Variants in BSN observed in about 807,000 individuals in gnomAD.
The protein encoded by BSN is protein bassoon.
BSN carries 57 observed loss-of-function variants against 264.8 expected under a neutral mutation model. The observed-to-expected ratio is 0.22, with a 90% CI of 0.17 to 0.27. The LOEUF (loss-of-function observed/expected upper bound fraction) is 0.27. Among genes scored for constraint, BSN ranks in the 10% least tolerant of loss-of-function variants. The pLI is 1.00. For synonymous variants in BSN, 2,059 were observed against 2,137.3 expected, an observed-to-expected ratio of 0.96 and a Z score of 1.01; for missense variants, 4,615 against 5,232.5, an observed-to-expected ratio of 0.88 and a Z score of 3.64.
At chr3:49,587,886 GT>G (rs768463946) in intron 1 of BSN, among the ~76,000 whole-genome samples, 2 of 36,838 alleles carry the variant, frequency 5.4e-5, no homozygotes, top group African/African-American at 1.3e-4. Context: ...GAAAGTTGGG[GT>G]TTTTCTTTTC....
chr3:49,663,943 C>G, intron 8 of BSN, 57 bp downstream of exon 8: 2 of 1,514,618 alleles, frequency 1.3e-6, no homozygotes, highest in South Asian at 1.2e-5. Flanking sequence ...GCTGTTCTCT[C>G]TCTATACCAC....
rs1242628057 is a variant in BSN, at chr3:49,671,149, C to CGT, written c.*3666_*3667dup. 3 of 57,530 alleles carry CGT rather than the reference C, an allele frequency of 5.2e-5. No homozygotes were observed. The highest frequency in any genetic ancestry group is 1.5e-4 in the African/African-American group (3 of 19,734). 3.6% of individuals were successfully genotyped at this position (57,530 alleles called of 1,614,324 possible). A position where few individuals can be genotyped will look rare whatever the true frequency, so the allele number is the denominator to read the frequency against. ...ACATGATCATGTGTGTATGTGCGTG[C>CGT]GTGCGTGCGTGTGTGTGTGTGTGTG... On this transcript the variant is annotated 3_prime_UTR_variant, in exon 12 of 12. Coordinates refer to ENST00000296452, the MANE Select transcript of BSN (RefSeq NM_003458.4). This position sits in a 1 kb window ranked among gnomAD's most constrained non-coding sequence, Gnocchi z 4.1.
rs200772536 is a variant in BSN at position 49,654,679 on chromosome 3, C to T, written c.5123C>T (p.Ser1708Leu). 38 of 1,613,700 alleles carry T rather than the reference C, an allele frequency of 2.4e-5. No individual in the cohort carries two copies. Among genetic ancestry groups the T allele is most frequent in the Middle Eastern group, 1.6e-4 (1 of 6,062 alleles). The change falls in exon 5 of 12, where the codon TCG (serine) becomes TTG (leucine). Residue 1708 changes from serine (S) to leucine (L), a missense_variant. Coordinates refer to ENST00000296452, the MANE Select transcript of BSN (RefSeq NM_003458.4). This position sits in a 1 kb window ranked among gnomAD's most constrained non-coding sequence, Gnocchi z 4.1. ...LALDPIPGRQSTAVQPLVINL... is the reference protein window; with the variant it reads ...LALDPIPGRQLTAVQPLVINL... The stretch of plus-strand genomic sequence containing the variant: ...CTGGATCCAATCCCAGGACGGCAGT[C>T]GACCGCCGTGCAGCCCTTGGTTATC...
chr3:49,654,751 T>C lies in BSN; in HGVS notation c.5195T>C (p.Val1732Ala). The C allele has an allele frequency of 6.2e-7, 1 of 1,613,440 alleles. No individual in the cohort carries two copies. Among genetic ancestry groups the C allele is most frequent in the Non-Finnish European group, 8.5e-7 (1 of 1,179,932 alleles). Residue 1732 changes from valine (V) to alanine (A), a missense_variant, in exon 5 of 12, where the codon GTG becomes GCG. Physicochemically the swap from Val to Ala is moderately conservative, Grantham distance 64 (BLOSUM62 0). Coordinates refer to ENST00000296452, the MANE Select transcript of BSN (RefSeq NM_003458.4). The surrounding 1 kb of genome is among the most constrained non-coding windows in gnomAD (Gnocchi z 4.1). ...ACCTTCCTTGCTACTGCCACCACCG[T>C]GAGCATCACCATGGCCTCGTCTGTG... ...EHTFLATATT[V>A]SITMASSVFM...
Position 49,661,584 on chromosome 3 carries a change from A to G in BSN, c.9739A>G (p.Thr3247Ala). 6.2e-7 allele frequency: 1 copy of G among 1,613,904 alleles called. No individual in the cohort carries two copies. Among genetic ancestry groups the G allele is most frequent in the East Asian group, 2.2e-5 (1 of 44,888 alleles). ...ISELTKDSTSTAPDSQRLEPL... is the reference protein window; with the variant it reads ...ISELTKDSTSAAPDSQRLEPL... ...TGAACTGACCAAGGACAGCACCTCT[A>G]CTGCTCCTGATAGCCAACGGCTGGA... Residue 3247 changes from threonine (T) to alanine (A), a missense_variant, in exon 6 of 12, where the codon ACT (threonine) becomes GCT (alanine). Coordinates refer to ENST00000296452, the MANE Select transcript of BSN (RefSeq NM_003458.4).
intron 1 of BSN, among the ~76,000 whole-genome samples, chr3:49,575,452 A>G (rs1348195195): frequency 6.8e-6 from 1 of 147,872 alleles, no homozygotes; most frequent in Non-Finnish European, 1.5e-5. Flanking sequence ...ATATGTGTGT[A>G]TATATGTAAA....
At position 49,668,184 on chromosome 3, in the gene BSN, G is replaced by A. The variant is rs1178332363; in HGVS notation, c.*699G>A. 1.3e-5 allele frequency: 2 copies of A among 152,568 alleles called. No homozygotes were observed. Among genetic ancestry groups the A allele is most frequent in the Admixed American group, 1.3e-4 (2 of 15,278 alleles). The allele number at this position is 152,568 out of a possible 1,614,324, so 9.5% of individuals were successfully genotyped here. On this transcript the variant is annotated 3_prime_UTR_variant, in exon 12 of 12. Transcript: ENST00000296452. ...AGAGGCCATAGCACCGAAAAGCAGCGTGGGCGCCGGCTGAGGCTTCTCCCA... is the reference window on the plus strand; with the variant it reads ...AGAGGCCATAGCACCGAAAAGCAGCATGGGCGCCGGCTGAGGCTTCTCCCA...
chr3:49,635,171 G>C (rs958799167), intron 2 of BSN, among the ~76,000 whole-genome samples: 1 of 152,190 alleles, frequency 6.6e-6, no homozygotes, highest in African/African-American at 2.4e-5. Flanking sequence ...GCATGAAACA[G>C]GCAGGTTGGG....
Position 49,562,007 on chromosome 3 carries a change from C to T in BSN, c.224+7181C>T, listed in dbSNP as rs539372175. Among the ~76,000 whole-genome samples the T allele has an allele frequency of 8.5e-5, 13 of 152,098 alleles. No homozygotes were observed. The South Asian group carries it at 2.7e-3, about 32-fold the overall frequency. ...ATCTTTAGTAGAGACTGGGTTTCACCATGTTAGCCAGGCTGGTCTTGAACT... is the reference window on the plus strand; with the variant it reads ...ATCTTTAGTAGAGACTGGGTTTCACTATGTTAGCCAGGCTGGTCTTGAACT... On this transcript the variant is annotated intron_variant, in intron 1 of 11. Transcript: ENST00000296452.
rs116378362 is a variant in BSN, at chr3:49,622,562, C to G, written c.225-2413C>G. Among the ~76,000 whole-genome samples the G allele has an allele frequency of 6.0e-3, 913 of 152,308 alleles. 12 individuals carry two copies. Among genetic ancestry groups the G allele is most frequent in the African/African-American group, 0.021 (881 of 41,550 alleles). ...TGCTACTTATTGGGCAACACAAATA[C>G]AATAGAAATGGCTACATTTCTCAGA... is the stretch of plus-strand genomic sequence containing the variant. On this transcript the variant is annotated intron_variant, in intron 1 of 11. Transcript: ENST00000296452.
At chr3:49,581,995 C>T (rs1288022308) in intron 1 of BSN, among the ~76,000 whole-genome samples, 2 of 152,082 alleles carry the variant, frequency 1.3e-5, no homozygotes, top group Non-Finnish European at 2.9e-5. Context: ...TTTACTTCCT[C>T]TGGATATAAA....
Position 49,652,751 on chromosome 3 carries a change from G to A in BSN, c.3195G>A (p.Gln1065=). The A allele has an allele frequency of 6.4e-7, 1 of 1,556,386 alleles. No homozygotes were observed. The highest frequency in any genetic ancestry group is 8.7e-7 in the Non-Finnish European group (1 of 1,151,916). The change falls in exon 5 of 12, where the codon CAG becomes CAA. Residue 1065 remains glutamine (Q), a synonymous_variant. Coordinates refer to ENST00000296452, the MANE Select transcript of BSN (RefSeq NM_003458.4). ...AGAAGATGCGGGAGGTGGAGCAGCAGCGCATCCGCAGCACGGCCCGCAAGA... is the reference window on the plus strand; with the variant it reads ...AGAAGATGCGGGAGGTGGAGCAGCAACGCATCCGCAGCACGGCCCGCAAGA... The part of the protein sequence containing the change: ...EQEKMREVEQ[Q]RIRSTARKTR...
Position 49,661,858 on chromosome 3 carries a change from C to A in BSN, c.10013C>A (p.Pro3338His). ...CGAGTAGAGAAGTATGGTCCAGGGC[C>A]CATGGGGCCCAAGCATCCCTCCAAG... ...GARVEKYGPGPMGPKHPSKSL... is the reference protein window; with the variant it reads ...GARVEKYGPGHMGPKHPSKSL... The change falls in exon 6 of 12, where the codon CCC becomes CAC. Residue 3338 changes from proline to histidine, a missense_variant. Physicochemically the swap from Pro to His is moderately conservative, Grantham distance 77. Around this residue, in one of 3 missense-constraint regions of BSN, gnomAD observed 3,415 missense variants for 3,866.4 expected, o/e 0.88. Coordinates refer to ENST00000296452, the MANE Select transcript of BSN (RefSeq NM_003458.4). The A allele has an allele frequency of 6.2e-7, 1 of 1,613,578 alleles. No homozygotes were observed. Among genetic ancestry groups the A allele is most frequent in the South Asian group, 1.1e-5 (1 of 91,088 alleles).
chr3:49,664,968 G>A lies in BSN; in HGVS notation c.*14+115G>A, dbSNP rs1460535128. The A allele has an allele frequency of 7.7e-6, 6 of 780,110 alleles. No individual in the cohort carries two copies. The African/African-American group carries it at 8.6e-5, about 11-fold the overall frequency. 48.3% of individuals were successfully genotyped at this position (780,110 alleles called of 1,614,324 possible). ...CTGGGAGGAGTCCAGTCTTCGGCTGGTTCAGTACCCAGAGCTGCAATGTTC... is the reference window on the plus strand; with the variant it reads ...CTGGGAGGAGTCCAGTCTTCGGCTGATTCAGTACCCAGAGCTGCAATGTTC... On this transcript the variant is annotated intron_variant, in intron 10 of 11. Transcript: ENST00000296452.
intron 2 of BSN, among the ~76,000 whole-genome samples, chr3:49,632,772 A>G (rs2108064021): frequency 6.6e-6 from 1 of 151,770 alleles, no homozygotes; most frequent in Middle Eastern, 3.4e-3. Context: ...CTACTGGGTG[A>G]CAGAGCCAGA....
Position 49,642,651 on chromosome 3 carries a change from T to C in BSN, c.1017T>C (p.Thr339=). Residue 339 remains threonine (T), a synonymous_variant, in exon 3 of 12, where the codon ACT becomes ACC. Transcript: ENST00000296452. This position sits in a 1 kb window ranked among gnomAD's most constrained non-coding sequence, Gnocchi z 7.0. ...CAGTGCCCGCTGGGCTTGGTGCCAC[T>C]GAGCAGACCCAGGAGGGCCTCACTG... ...ATAVPAGLGA[T]EQTQEGLTGK... The C allele has an allele frequency of 1.2e-6, 2 of 1,605,360 alleles. No homozygotes were observed. The highest frequency in any genetic ancestry group is 1.7e-6 in the Non-Finnish European group (2 of 1,175,108).
intron 1 of BSN, among the ~76,000 whole-genome samples, chr3:49,583,648 A>G (rs758167486): frequency 1.1e-4 from 16 of 152,172 alleles, no homozygotes; most frequent in East Asian, 1.9e-4. Context: ...TTCTTTTTCA[A>G]TGGTTAGTAG....
intron 8 of BSN, 65 bp downstream of exon 8, chr3:49,663,951 C>T: frequency 4.1e-6 from 6 of 1,470,206 alleles, no homozygotes; most frequent in Non-Finnish European, 4.7e-6. Flanking sequence ...CTCTCTATAC[C>T]ACCTGTGCCC....
Position 49,651,993 on chromosome 3 carries a change from G to T in BSN, c.2437G>T (p.Asp813Tyr). ...CGACTTTGGCAGCCAATTGAGGCAC[G>T]ACTATGTGGAGGACAGCAGTGAGGG... ...SDDFGSQLRHDYVEDSSEGGL... is the reference protein window; with the variant it reads ...SDDFGSQLRHYYVEDSSEGGL... Residue 813 changes from aspartate (D) to tyrosine (Y), a missense_variant, in exon 5 of 12, where the codon GAC (aspartate) becomes TAC (tyrosine). By Grantham distance (160) the Asp-to-Tyr change is radical (BLOSUM62 -3). Transcript: ENST00000296452. The surrounding 1 kb of genome is among the most constrained non-coding windows in gnomAD (Gnocchi z 5.4). 2 of 1,613,474 alleles carry T rather than the reference G, an allele frequency of 1.2e-6. No individual in the cohort carries two copies. Among genetic ancestry groups the T allele is most frequent in the Non-Finnish European group, 1.7e-6 (2 of 1,179,682 alleles).
Sources: allele counts gnomAD v4.1 joint callset (sites outside exome capture counted in the v4.1 genomes callset), GRCh38; gene constraint gnomAD v4.1.1; regional missense constraint gnomAD v4.1.1; non-coding constraint Gnocchi (gnomAD v3.1); transcripts MANE v1.5; gene names NCBI Gene and HGNC (gene_info 2026-07-23, HGNC 2026-07-21).